CCSER1: variants seen among roughly 807,000 people sequenced by gnomAD.
CCSER1 encodes serine-rich coiled-coil domain-containing protein 1.
Under a neutral mutation model 82.0 loss-of-function variants are expected in CCSER1, and 41 were observed. The observed-to-expected ratio is 0.50, with a 90% confidence interval of 0.39 to 0.65. The LOEUF is 0.65. CCSER1 is among the 30% of genes least tolerant of loss of function. CCSER1 has a pLI of 0.00. For missense variants in CCSER1, 1,119 were observed against 1,064.2 expected (o/e 1.05, Z -0.72); for synonymous variants, 414 against 383.9 (o/e 1.08, Z -0.92).
intron 8 of CCSER1, among the ~76,000 whole-genome samples, chr4:90,862,987 G>A (rs1440364657): frequency 7.1e-6 from 1 of 141,612 alleles, no homozygotes; most frequent in Non-Finnish European, 1.5e-5. Flanking sequence ...TGTGCACAAT[G>A]TGCAGGTTAG....
At chr4:91,529,009 A>C (rs2110162708) in intron 10 of CCSER1, among the ~76,000 whole-genome samples, 1 of 152,228 alleles carries the variant, frequency 6.6e-6, no homozygotes, top group South Asian at 2.1e-4. Context: ...AAATATTGTT[A>C]CTAATTAAAA....
chr4:90,557,929 T>C (rs1009394297), intron 5 of CCSER1, among the ~76,000 whole-genome samples: 3 of 152,188 alleles, frequency 2.0e-5, no homozygotes, highest in African/African-American at 7.2e-5. Context: ...GTTGAAATAC[T>C]TTTAGTTTGG....
intron 10 of CCSER1, among the ~76,000 whole-genome samples, chr4:91,413,337 G>C (rs1467891493): frequency 6.6e-6 from 1 of 152,100 alleles, no homozygotes; most frequent in Admixed American, 6.6e-5. Flanking sequence ...GCACACACCT[G>C]TAGTCCTAGC....
intron 10 of CCSER1, among the ~76,000 whole-genome samples, chr4:91,124,115 T>A (rs1309030375): frequency 6.6e-6 from 1 of 151,798 alleles, no homozygotes; most frequent in Non-Finnish European, 1.5e-5. Flanking sequence ...AAAACTTGTA[T>A]TAAAATAAAA....
chr4:91,318,265 T>A (rs1745965875), intron 10 of CCSER1, among the ~76,000 whole-genome samples: 1 of 152,044 alleles, frequency 6.6e-6, no homozygotes, highest in African/African-American at 2.4e-5. Flanking sequence ...CGGTCACTGA[T>A]ATTTATATTT....
intron 7 of CCSER1, among the ~76,000 whole-genome samples, chr4:90,730,726 A>G (rs2149401376): frequency 6.6e-6 from 1 of 152,324 alleles, no homozygotes; most frequent in Non-Finnish European, 1.5e-5. Flanking sequence ...AGAGACCATA[A>G]TGAAGAAAGG....
intron 10 of CCSER1, among the ~76,000 whole-genome samples, chr4:91,087,491 G>T (rs1490038938): frequency 6.6e-6 from 1 of 151,800 alleles, no homozygotes; most frequent in Non-Finnish European, 1.5e-5. Flanking sequence ...TATTATAAGT[G>T]TACTTATAAG....
chr4:91,172,080 A>G (rs1245847405), intron 10 of CCSER1, among the ~76,000 whole-genome samples: 1 of 152,140 alleles, frequency 6.6e-6, no homozygotes, highest in Non-Finnish European at 1.5e-5. Flanking sequence ...AAGCCCATTG[A>G]TATAAATGGA....
In CCSER1 at chr4:90,128,764, T is replaced by A. The variant is rs529190819; in HGVS notation, c.-42+933T>A. On this transcript the variant is annotated intron_variant, in intron 1 of 10. Coordinates refer to ENST00000509176, the MANE Select transcript of CCSER1 (RefSeq NM_001145065.2). ...GTATCCAGAGTGAGAAGAAAGGCTA[T>A]TTATGGCAAAGAGTTGTGAAATTTC... Among the ~76,000 whole-genome samples, 171 of 152,238 alleles carry A rather than the reference T, an allele frequency of 1.1e-3. 1 individual carries two copies. The highest frequency in any genetic ancestry group is 3.9e-3 in the African/African-American group (164 of 41,546).
chr4:90,267,912 C>A (rs1725529610), intron 1 of CCSER1, among the ~76,000 whole-genome samples: 1 of 152,138 alleles, frequency 6.6e-6, no homozygotes, highest in African/African-American at 2.4e-5. Context: ...GGAATAGAAA[C>A]AAATAACCTA....
intron 8 of CCSER1, among the ~76,000 whole-genome samples, chr4:90,827,155 C>T (rs62311072): frequency 0.071 from 10,857 of 152,246 alleles, 496 homozygotes; most frequent in Admixed American, 0.13. Flanking sequence ...GAGGAATATC[C>T]GTGCAGTTTC....
At chr4:91,249,958 A>AAAC (rs1560542882) in intron 10 of CCSER1, among the ~76,000 whole-genome samples, 2 of 151,586 alleles carry the variant, frequency 1.3e-5, no homozygotes, top group Non-Finnish European at 2.9e-5. Flanking sequence ...AATAAAAAAA[A>AAAC]AAAACAGCTT....
intron 10 of CCSER1, among the ~76,000 whole-genome samples, chr4:91,457,804 G>A (rs1370748694): frequency 6.6e-6 from 1 of 151,822 alleles, no homozygotes; most frequent in Admixed American, 6.6e-5. Context: ...TTTTCTGTAG[G>A]CAAGCTTTAT....
Position 91,538,241 on chromosome 4 carries a change from T to G in CCSER1, c.2218-60331T>G, listed in dbSNP as rs190569770. Among the ~76,000 whole-genome samples, 45 of 152,056 alleles carry G rather than the reference T, an allele frequency of 3.0e-4. No individual in the cohort carries two copies. The East Asian group carries it at 8.3e-3, about 28-fold the overall frequency. ...TCATAGATACTCCAAACTAAATAAT[T>G]TTGTTACTTAACTATAATATTAAAA... On this transcript the variant is annotated intron_variant, in intron 10 of 10. Transcript: ENST00000509176.
At chr4:90,691,659 G>GT (rs777654537) in intron 6 of CCSER1, among the ~76,000 whole-genome samples, 10 of 150,736 alleles carry the variant, frequency 6.6e-5, no homozygotes, top group Non-Finnish European at 1.3e-4. Flanking sequence ...ATACACACAT[G>GT]CATATGTACG....
chr4:91,301,540 G>GTATA (rs71596557), intron 10 of CCSER1, among the ~76,000 whole-genome samples: 11 of 146,670 alleles, frequency 7.5e-5, no homozygotes, highest in African/African-American at 2.5e-4. Flanking sequence ...ATAAAATATA[G>GTATA]TATATATATA....
intron 10 of CCSER1, among the ~76,000 whole-genome samples, chr4:91,260,975 T>G (rs533184572): frequency 6.6e-6 from 1 of 151,986 alleles, no homozygotes; most frequent in Non-Finnish European, 1.5e-5. Context: ...ATGTTAGCCA[T>G]GATGGTCTCG....
intron 10 of CCSER1, among the ~76,000 whole-genome samples, chr4:91,117,777 C>A (rs1244994492): frequency 6.6e-6 from 1 of 152,282 alleles, no homozygotes; most frequent in East Asian, 1.9e-4. Flanking sequence ...TCAACAGTTA[C>A]ATGACCATAG....
chr4:91,552,275 T>C (rs1392436455), intron 10 of CCSER1, among the ~76,000 whole-genome samples: 2 of 151,672 alleles, frequency 1.3e-5, no homozygotes, highest in Non-Finnish European at 1.5e-5. Context: ...TTAGAGACCC[T>C]CAAATATTCT....
Sources: gnomAD v4.1 joint callset for allele counts (sites outside exome capture counted in the v4.1 genomes callset) on GRCh38, gnomAD v4.1.1 for gene constraint, MANE v1.5 for transcripts, NCBI Gene and HGNC (gene_info 2026-07-23, HGNC 2026-07-21) for gene names.